The following ZNF737 variants were observed in gnomAD, a reference collection of about 807,000 sequenced individuals.
ZNF737 encodes the protein zinc finger protein 737.
ZNF737 carries 13 observed loss-of-function variants against 11.7 expected under a neutral mutation model. The observed-to-expected ratio is 1.11, with a 90% CI of 0.73 to 1.77. The LOEUF (loss-of-function observed/expected upper bound fraction) is 1.77. Ranked by LOEUF, ZNF737 falls within the 40% of genes most tolerant of loss-of-function variation. The probability of loss-of-function intolerance (pLI) is 0.00; values close to 1 mark genes in which losing one functional copy is unlikely to be tolerated. For synonymous variants in ZNF737, 217 were observed against 216.2 expected, an observed-to-expected ratio of 1.00 and a Z score of -0.03; for missense variants, 636 against 638.0, an observed-to-expected ratio of 1.00 and a Z score of 0.03.
At position 20,541,928 on chromosome 19, in the gene ZNF737, A is replaced by G. The variant is rs1555755210; in HGVS notation, c.*2664T>C. 5.3e-6 allele frequency: 4 copies of G among 750,038 alleles called. No individual in the cohort carries two copies. The African/African-American group carries it at 5.7e-5, about 11-fold the overall frequency. 46.5% of individuals were successfully genotyped at this position (750,038 alleles called of 1,614,324 possible). A position where few individuals can be genotyped will look rare whatever the true frequency, so the allele number is the denominator to read the frequency against. ...TTGTAGGCCTGAGTCAAAAGATGCC[A>G]TATAAGGCATAAATATATACACATA... On this transcript the variant is annotated 3_prime_UTR_variant, in exon 4 of 4. Coordinates refer to ENST00000427401, the MANE Select transcript of ZNF737 (RefSeq NM_001159293.2).
intron 1 of ZNF737, among the ~76,000 whole-genome samples, chr19:20,564,328 G>A (rs1167522331): frequency 2.6e-5 from 4 of 152,154 alleles, no homozygotes; most frequent in Non-Finnish European, 5.9e-5. Flanking sequence ...TGCAAAAAGA[G>A]GAACTAATGT....
Position 20,545,377 on chromosome 19 carries a change from T to G in ZNF737, c.826A>C (p.Lys276Gln). The stretch of plus-strand genomic sequence containing the variant: ...GGTTTCTCTCCAGTATGAATTATCT[T>G]ATGTGTAGTAAGGTTAGAGGAGCGC... ...FKRSSNLTTHKIIHTGEKPYK... is the reference protein window; with the variant it reads ...FKRSSNLTTHQIIHTGEKPYK... Residue 276 changes from lysine to glutamine, a missense_variant, in exon 4 of 4, where the codon AAG (lysine) becomes CAG (glutamine). Lys to Gln is a moderately conservative substitution (Grantham distance 53). Transcript: ENST00000427401. 1 of 1,613,846 alleles carries G rather than the reference T, an allele frequency of 6.2e-7. No homozygotes were observed. The highest frequency in any genetic ancestry group is 2.2e-5 in the East Asian group (1 of 44,870).
chr19:20,565,110 T>C (rs1216948511), intron 1 of ZNF737, among the ~76,000 whole-genome samples: 1 of 152,044 alleles, frequency 6.6e-6, no homozygotes, highest in Non-Finnish European at 1.5e-5. Context: ...AATTTTTGCA[T>C]TTTTAGTAGA....
rs1481769126 is a variant in ZNF737, at chr19:20,540,987, G to T, written c.*3605C>A. On this transcript the variant is annotated 3_prime_UTR_variant, in exon 4 of 4. Coordinates refer to ENST00000427401, the MANE Select transcript of ZNF737 (RefSeq NM_001159293.2). ...GTTCATTCAAATAAGTGTTAAAAATGATTTTTTTTTCCTGTTTTAAGAGGG... is the reference window on the plus strand; with the variant it reads ...GTTCATTCAAATAAGTGTTAAAAATTATTTTTTTTTCCTGTTTTAAGAGGG... 2 of 868,834 alleles carry T rather than the reference G, an allele frequency of 2.3e-6. No homozygotes were observed. Among genetic ancestry groups the T allele is most frequent in the African/African-American group, 4.5e-5 (2 of 44,130 alleles). The allele number at this position is 868,834 out of a possible 1,614,324, so 53.8% of individuals were successfully genotyped here. A position where few individuals can be genotyped will look rare whatever the true frequency, so the allele number is the denominator to read the frequency against.
intron 3 of ZNF737, 43 bp from the exon 4 acceptor site, chr19:20,546,019 C>G (rs781879875): frequency 1.3e-6 from 2 of 1,519,622 alleles, no homozygotes; most frequent in Admixed American, 4.6e-5. Flanking sequence ...TTGGTAGACT[C>G]AGATAAATAT....
At position 20,543,709 on chromosome 19, in the gene ZNF737, G is replaced by C; in HGVS notation, c.*883C>G. The C allele has an allele frequency of 1.0e-6, 1 of 985,158 alleles. No individual in the cohort carries two copies. Among genetic ancestry groups the C allele is most frequent in the Non-Finnish European group, 1.2e-6 (1 of 829,740 alleles). 61.0% of individuals were successfully genotyped at this position (985,158 alleles called of 1,614,324 possible). ...TTTGTCACATTTTATATATTTCTAGGGTTTCACACTAGTATAATTATTGTT... is the reference window on the plus strand; with the variant it reads ...TTTGTCACATTTTATATATTTCTAGCGTTTCACACTAGTATAATTATTGTT... On this transcript the variant is annotated 3_prime_UTR_variant, in exon 4 of 4. Coordinates refer to ENST00000427401, the MANE Select transcript of ZNF737 (RefSeq NM_001159293.2).
chr19:20,542,253 A>G lies in ZNF737; in HGVS notation c.*2339T>C. On this transcript the variant is annotated 3_prime_UTR_variant, in exon 4 of 4. Coordinates refer to ENST00000427401, the MANE Select transcript of ZNF737 (RefSeq NM_001159293.2). ...ACAAACTTTTTTTTTTTTGAGACAG[A>G]GTTTTGCTCTTGTTGCCCAGACTGG... 3.2e-6 allele frequency: 3 copies of G among 941,542 alleles called. No homozygotes were observed. Among genetic ancestry groups the G allele is most frequent in the Non-Finnish European group, 3.8e-6 (3 of 790,694 alleles). 58.3% of individuals were successfully genotyped at this position (941,542 alleles called of 1,614,324 possible).
intron 1 of ZNF737, among the ~76,000 whole-genome samples, chr19:20,560,720 T>C (rs1969058950): frequency 6.6e-6 from 1 of 150,510 alleles, no homozygotes; most frequent in South Asian, 2.1e-4. Context: ...ACGGAGGTTG[T>C]GGTGAGCCGA....
At chr19:20,564,363 A>T (rs1969216688) in intron 1 of ZNF737, among the ~76,000 whole-genome samples, 1 of 152,206 alleles carries the variant, frequency 6.6e-6, no homozygotes, top group Admixed American at 6.5e-5. Flanking sequence ...GTAACTCATC[A>T]ATTATCTACC....
chr19:20,545,938 G>T lies in ZNF737; in HGVS notation c.265C>A (p.Gln89Lys). ...SHFARDLWPE[Q>K]SIKDSFQKVT... ...TTTTGGAAAGAATCTTTTATGCTCT[G>T]CTCTGGCCAAAGATCTCGGGCAAAA... The change falls in exon 4 of 4, where the codon CAG becomes AAG. Residue 89 changes from glutamine to lysine, a missense_variant. Coordinates refer to ENST00000427401, the MANE Select transcript of ZNF737 (RefSeq NM_001159293.2). 6.4e-7 allele frequency: 1 copy of T among 1,568,466 alleles called. No individual in the cohort carries two copies. Among genetic ancestry groups the T allele is most frequent in the Non-Finnish European group, 8.6e-7 (1 of 1,162,460 alleles).
At position 20,552,550 on chromosome 19, in the gene ZNF737, C is replaced by G; in HGVS notation, c.151G>C (p.Asp51His). 6.3e-7 allele frequency: 1 copy of G among 1,587,224 alleles called. No homozygotes were observed. Residue 51 changes from aspartate (D) to histidine (H), a missense_variant, in exon 3 of 4, where the codon GAC (aspartate) becomes CAC (histidine). By Grantham distance (81) the Asp-to-His change is moderately conservative. Coordinates refer to ENST00000427401, the MANE Select transcript of ZNF737 (RefSeq NM_001159293.2). ...CCTTGCTCCAGACAGGTGATGAGGT[C>G]TGGCTTAGAGACAACAATACCTGTT... ...VFLGIVVSKP[D>H]LITCLEQGKK...
Position 20,539,244 on chromosome 19 carries a change from C to T in ZNF737, c.*5348G>A, listed in dbSNP as rs1169472952. 4 of 893,428 alleles carry T rather than the reference C, an allele frequency of 4.5e-6. No individual in the cohort carries two copies. The highest frequency in any genetic ancestry group is 1.8e-5 in the African/African-American group (1 of 54,916). The allele number at this position is 893,428 out of a possible 1,614,324, so 55.3% of individuals were successfully genotyped here. On this transcript the variant is annotated 3_prime_UTR_variant, in exon 4 of 4. Coordinates refer to ENST00000427401, the MANE Select transcript of ZNF737 (RefSeq NM_001159293.2). ...GGTGGAGGTTGCAGTGAGCTGAGCA[C>T]GTACCATTGCAGTGCAGCGTGAGTG...
downstream of ZNF737, among the ~76,000 whole-genome samples, chr19:20,536,455 C>CT (rs1555753861): frequency 6.6e-6 from 1 of 152,148 alleles, no homozygotes; most frequent in East Asian, 1.9e-4. Context: ...GCCTCCTTCA[C>CT]TTTATATCAG....
chr19:20,561,388 T>C (rs542614712), intron 1 of ZNF737, among the ~76,000 whole-genome samples: 1 of 152,240 alleles, frequency 6.6e-6, no homozygotes, highest in South Asian at 2.1e-4. Context: ...GACATGTCAA[T>C]GTCTAGTGTG....
rs1305591585 is a variant in ZNF737, at chr19:20,542,533, T to TAACA, written c.*2055_*2058dup. The TAACA allele has an allele frequency of 2.0e-6, 2 of 981,698 alleles. No individual in the cohort carries two copies. The highest frequency in any genetic ancestry group is 2.4e-6 in the Non-Finnish European group (2 of 826,960). The allele number at this position is 981,698 out of a possible 1,614,324, so 60.8% of individuals were successfully genotyped here. On this transcript the variant is annotated 3_prime_UTR_variant, in exon 4 of 4. Transcript: ENST00000427401. ...AGGCATGAGCCATCAAGCCCGGCCC[T>TAACA]AACAGTTTTAAAATGCACTGCATTT...
Position 20,552,511 on chromosome 19 carries a change from T to C in ZNF737, c.190A>G (p.Thr64Ala), listed in dbSNP as rs782027611. ...TCLEQGKKPL[T>A]MKKHEMVANP... ...GCTACCATCTCATGTTTCTTCATGGTCAAAGGTTTTTTTCCTTGCTCCAGA... is the reference window on the plus strand; with the variant it reads ...GCTACCATCTCATGTTTCTTCATGGCCAAAGGTTTTTTTCCTTGCTCCAGA... The change falls in exon 3 of 4, where the codon ACC (threonine) becomes GCC (alanine). Residue 64 changes from threonine to alanine, a missense_variant. Transcript: ENST00000427401. The C allele has an allele frequency of 6.3e-7, 1 of 1,595,720 alleles. No individual in the cohort carries two copies. Among genetic ancestry groups the C allele is most frequent in the Non-Finnish European group, 8.5e-7 (1 of 1,173,864 alleles).
downstream of ZNF737, among the ~76,000 whole-genome samples, chr19:20,531,963 ACTT>A (rs567677959): frequency 4.5e-4 from 67 of 150,428 alleles, 7 homozygotes; most frequent in African/African-American, 1.6e-3. Flanking sequence ...ATGTAGAATT[ACTT>A]CTTTTTTCTT....
rs781938032 is a variant in ZNF737 at position 20,545,397 on chromosome 19, G to A, written c.806C>T (p.Ser269Phe). The change falls in exon 4 of 4, where the codon TCC becomes TTC. Residue 269 changes from serine to phenylalanine, a missense_variant. Transcript: ENST00000427401. ...CEECGKAFKR[S>F]SNLTTHKIIH... The stretch of plus-strand genomic sequence containing the variant: ...TATCTTATGTGTAGTAAGGTTAGAG[G>A]AGCGCTTAAAGGCCTTGCCACATTC... 1.2e-6 allele frequency: 2 copies of A among 1,612,902 alleles called. No homozygotes were observed. Among genetic ancestry groups the A allele is most frequent in the Non-Finnish European group, 8.5e-7 (1 of 1,179,690 alleles).
rs1968265695 is a variant in ZNF737, at chr19:20,542,741, G to A, written c.*1851C>T. 3.0e-6 allele frequency: 3 copies of A among 984,176 alleles called. No homozygotes were observed. Among genetic ancestry groups the A allele is most frequent in the African/African-American group, 1.8e-5 (1 of 57,082 alleles). The allele number at this position is 984,176 out of a possible 1,614,324, so 61.0% of individuals were successfully genotyped here. A position where few individuals can be genotyped will look rare whatever the true frequency, so the allele number is the denominator to read the frequency against. ...TTCATTATGCGTCTTACATTTTAAT[G>A]TTCTTACTATTTTATAGAAAAAGTC... On this transcript the variant is annotated 3_prime_UTR_variant, in exon 4 of 4. Transcript: ENST00000427401.
Sources: gnomAD v4.1 joint callset for allele counts (sites outside exome capture counted in the v4.1 genomes callset) on GRCh38, gnomAD v4.1.1 for gene constraint, MANE v1.5 for transcripts, NCBI Gene and HGNC (gene_info 2026-07-23, HGNC 2026-07-21) for gene names.